The following STPG2 variants were observed in gnomAD, a reference collection of about 807,000 sequenced individuals.
STPG2 encodes the protein sperm tail PG-rich repeat containing 2, also known as sperm-tail PG-rich repeat-containing protein 2.
A neutral mutation model predicts 54.2 loss-of-function variants in STPG2; 56 were observed. The observed-to-expected ratio is 1.03, with a 90% CI of 0.83 to 1.29. STPG2 has a LOEUF of 1.29. STPG2 is among the 50% of genes most tolerant of loss of function. The pLI, the probability that STPG2 is intolerant of heterozygous loss-of-function variation, is 0.00. For synonymous variants in STPG2, 200 were observed against 181.8 expected (o/e 1.10, Z -0.81); for missense variants, 596 against 544.9 (o/e 1.09, Z -0.93).
chr4:97,858,521 C>T (rs80241779), intron 8 of STPG2, among the ~76,000 whole-genome samples: 1,563 of 152,274 alleles, frequency 0.01, 30 homozygotes, highest in African/African-American at 0.036. Flanking sequence ...GCAGTATACA[C>T]TGTACCCAAT....
At chr4:97,463,104 A>T (rs1221901334) in intron 4 of STPG2, among the ~76,000 whole-genome samples, 2 of 152,170 alleles carry the variant, frequency 1.3e-5, no homozygotes, top group African/African-American at 4.8e-5. Context: ...GTGGTAAATT[A>T]TAATTTTTTC....
chr4:97,892,812 G>A (rs1225843143), intron 8 of STPG2, among the ~76,000 whole-genome samples: 5 of 152,088 alleles, frequency 3.3e-5, no homozygotes, highest in Non-Finnish European at 7.4e-5. Context: ...TAAGGCACTA[G>A]CAGCTGTCAC....
At position 97,855,528 on chromosome 4, in the gene STPG2, T is replaced by C. The variant is rs188953579; in HGVS notation, c.1045-14596A>G. On this transcript the variant is annotated intron_variant, in intron 8 of 10. Coordinates refer to ENST00000295268, the MANE Select transcript of STPG2 (RefSeq NM_174952.3). ...ACTTTTTAATAAGGTTGTTTTTTTT[T>C]CTTGTAAATTTAAGTTCCTGTAGAC... Among the ~76,000 whole-genome samples, 12 of 152,274 alleles carry C rather than the reference T, an allele frequency of 7.9e-5. No individual in the cohort carries two copies. In the East Asian group the frequency reaches 2.3e-3, roughly 29 times the overall value.
At chr4:97,632,497 G>A (rs1357420169) in intron 10 of STPG2, among the ~76,000 whole-genome samples, 6 of 151,964 alleles carry the variant, frequency 3.9e-5, no homozygotes, top group African/African-American at 9.7e-5. Flanking sequence ...ATGACTTTAT[G>A]CCTTACATGT....
At chr4:97,969,056 G>A (rs1414135030) in intron 7 of STPG2, among the ~76,000 whole-genome samples, 1 of 152,098 alleles carries the variant, frequency 6.6e-6, no homozygotes. Flanking sequence ...GATAAGATAG[G>A]GCTATAAACA....
intron 10 of STPG2, among the ~76,000 whole-genome samples, chr4:97,605,491 G>A (rs1733570613): frequency 6.6e-6 from 1 of 151,654 alleles, no homozygotes; most frequent in African/African-American, 2.4e-5. Context: ...CTAAGATCCA[G>A]TTCATGGTTT....
intron 4 of STPG2, among the ~76,000 whole-genome samples, chr4:97,551,996 G>A (rs955680602): frequency 2.6e-5 from 4 of 152,006 alleles, no homozygotes; most frequent in Non-Finnish European, 5.9e-5. Flanking sequence ...ATCAAAATTA[G>A]TTCAGTTCAC....
At chr4:97,811,394 A>G (rs1727735912) in intron 9 of STPG2, among the ~76,000 whole-genome samples, 1 of 152,174 alleles carries the variant, frequency 6.6e-6, no homozygotes, top group Non-Finnish European at 1.5e-5. Flanking sequence ...CCTTCATAAC[A>G]TGGTTTTAGT....
intron 10 of STPG2, among the ~76,000 whole-genome samples, chr4:97,602,203 A>C (rs1166776681): frequency 6.6e-6 from 1 of 151,550 alleles, no homozygotes; most frequent in Non-Finnish European, 1.5e-5. Context: ...TGTTGAACTT[A>C]TTTTTTCATT....
intron 4 of STPG2, among the ~76,000 whole-genome samples, chr4:97,530,801 C>T (rs993785806): frequency 3.9e-5 from 6 of 151,954 alleles, no homozygotes; most frequent in South Asian, 4.1e-4. Flanking sequence ...TTCCCAGCAG[C>T]GGTGAGCTGT....
chr4:97,929,441 G>A (rs564420819), intron 8 of STPG2, among the ~76,000 whole-genome samples: 18 of 152,128 alleles, frequency 1.2e-4, no homozygotes, highest in African/African-American at 3.6e-4. Flanking sequence ...AGATCTTTGG[G>A]GAATTGCCAC....
chr4:97,677,562 T>C (rs1302320752), intron 10 of STPG2, among the ~76,000 whole-genome samples: 1 of 152,216 alleles, frequency 6.6e-6, no homozygotes, highest in South Asian at 2.1e-4. Flanking sequence ...CTCTAAGTAC[T>C]GGCCATTAGC....
intron 10 of STPG2, among the ~76,000 whole-genome samples, chr4:97,711,518 T>A (rs1218089047): frequency 6.6e-6 from 1 of 152,148 alleles, no homozygotes; most frequent in East Asian, 1.9e-4. Context: ...TAGCTTTGCT[T>A]AACCAGCAGG....
chr4:97,662,540 A>G (rs892557035), intron 10 of STPG2, among the ~76,000 whole-genome samples: 1 of 152,192 alleles, frequency 6.6e-6, no homozygotes, highest in Non-Finnish European at 1.5e-5. Flanking sequence ...AAATCATTCT[A>G]CCAAAAAGAC....
chr4:97,872,018 A>T (rs2149155380), intron 8 of STPG2, among the ~76,000 whole-genome samples: 1 of 151,278 alleles, frequency 6.6e-6, no homozygotes, highest in Admixed American at 6.6e-5. Context: ...ACACCATGTT[A>T]ATATCTCTAA....
chr4:98,024,617 A>C (rs1449424228), intron 5 of STPG2, among the ~76,000 whole-genome samples: 1 of 152,178 alleles, frequency 6.6e-6, no homozygotes, highest in Admixed American at 6.5e-5. Flanking sequence ...TTAATACAAG[A>C]ATAAACCAAA....
intron 8 of STPG2, among the ~76,000 whole-genome samples, chr4:97,899,347 C>T (rs10008654): frequency 6.6e-6 from 1 of 151,580 alleles, no homozygotes; most frequent in Non-Finnish European, 1.5e-5. Flanking sequence ...GAAAAAGCAT[C>T]CCATGCTCAT....
intron 10 of STPG2, among the ~76,000 whole-genome samples, chr4:97,685,783 G>A (rs1221928680): frequency 6.6e-6 from 1 of 152,156 alleles, no homozygotes; most frequent in African/African-American, 2.4e-5. Flanking sequence ...AGCAGAACCT[G>A]GGGTTCTAAT....
intron 10 of STPG2, among the ~76,000 whole-genome samples, chr4:97,567,304 C>G (rs137875960): frequency 6.6e-6 from 1 of 151,226 alleles, no homozygotes; most frequent in African/African-American, 2.4e-5. Context: ...AATTTTAAAA[C>G]CTGAACAGTA....
Sources: gnomAD v4.1 joint callset for allele counts (sites outside exome capture counted in the v4.1 genomes callset) on GRCh38, gnomAD v4.1.1 for gene constraint, MANE v1.5 for transcripts, NCBI Gene and HGNC (gene_info 2026-07-23, HGNC 2026-07-21) for gene names.